Variants in SEMA3E observed in about 807,000 individuals in gnomAD.
The protein encoded by SEMA3E is semaphorin-3E.
In SEMA3E, 49 loss-of-function variants were observed where a neutral mutation model predicts 93.6. The ratio of observed to expected loss-of-function variants is 0.52; its 90% CI spans 0.42 to 0.66. SEMA3E has a LOEUF of 0.66. SEMA3E is among the 30% of genes least tolerant of loss of function. SEMA3E has a pLI of 0.00. For synonymous variants in SEMA3E, 363 were observed against 330.7 expected, an observed-to-expected ratio of 1.10 and a Z score of -1.06; for missense variants, 906 against 964.8, an observed-to-expected ratio of 0.94 and a Z score of 0.81.
At chr7:83,517,938 G>GT (rs1206670751) in intron 1 of SEMA3E, among the ~76,000 whole-genome samples, 1 of 152,162 alleles carries the variant, frequency 6.6e-6, no homozygotes, top group Non-Finnish European at 1.5e-5. Context: ...GAGAAGACTG[G>GT]TTTGGGGCCT....
intron 4 of SEMA3E, among the ~76,000 whole-genome samples, chr7:83,423,196 A>G (rs1478190320): frequency 6.6e-6 from 1 of 152,188 alleles, no homozygotes; most frequent in Non-Finnish European, 1.5e-5. Context: ...AATCTGTGCA[A>G]TACGTAAATC....
At chr7:83,611,317 G>A (rs1484564339) in intron 1 of SEMA3E, among the ~76,000 whole-genome samples, 15 of 137,616 alleles carry the variant, frequency 1.1e-4, no homozygotes, top group East Asian at 1.0e-3. Context: ...ATAAATTTAT[G>A]TATAATATAT....
intron 14 of SEMA3E, among the ~76,000 whole-genome samples, chr7:83,390,086 CATATATGCGCGTATACGT>C (rs1787981568): frequency 4.2e-5 from 4 of 94,658 alleles, no homozygotes; most frequent in Non-Finnish European, 8.6e-5. Flanking sequence ...TACGTGTGCA[CATATATGCGCGTATACGT>C]GTGCACATAT....
At chr7:83,437,866 G>A (rs946518760) in intron 4 of SEMA3E, among the ~76,000 whole-genome samples, 3 of 152,028 alleles carry the variant, frequency 2.0e-5, no homozygotes, top group East Asian at 1.9e-4. Flanking sequence ...CAAAGACTTC[G>A]ATATCAACTT....
intron 2 of SEMA3E, among the ~76,000 whole-genome samples, chr7:83,488,684 G>C (rs146150761): frequency 3.9e-5 from 6 of 152,246 alleles, no homozygotes; most frequent in Admixed American, 3.9e-4. Flanking sequence ...GCAGACTATA[G>C]GTGGTGGGCC....
chr7:83,637,030 G>GTGTGTGTA (rs1430928602), intron 1 of SEMA3E, among the ~76,000 whole-genome samples: 11 of 138,876 alleles, frequency 7.9e-5, no homozygotes, highest in East Asian at 2.1e-4. Context: ...GAGAGTGTGT[G>GTGTGTGTA]TGTGTGTGTA....
chr7:83,540,604 T>C (rs1472071421), intron 1 of SEMA3E, among the ~76,000 whole-genome samples: 1 of 152,210 alleles, frequency 6.6e-6, no homozygotes, highest in Non-Finnish European at 1.5e-5. Context: ...TGCAACTAAG[T>C]TATGTATTAC....
intron 13 of SEMA3E, among the ~76,000 whole-genome samples, chr7:83,393,095 T>C (rs1033519043): frequency 1.3e-5 from 2 of 151,922 alleles, no homozygotes; most frequent in East Asian, 3.9e-4. Context: ...ATTTATACTT[T>C]CATTTCTCTA....
chr7:83,628,091 G>T lies in SEMA3E; in HGVS notation c.115+20337C>A, dbSNP rs147577460. Among the ~76,000 whole-genome samples, 416 of 152,178 alleles carry T rather than the reference G, an allele frequency of 2.7e-3. 2 individuals are homozygous for T. The highest frequency in any genetic ancestry group is 9.5e-3 in the African/African-American group (396 of 41,526). On this transcript the variant is annotated intron_variant, in intron 1 of 16. Coordinates refer to ENST00000643230, the MANE Select transcript of SEMA3E (RefSeq NM_012431.3). ...TCACTTATGAAGCTTAGTTTGGCTG[G>T]ATATGAAATTCTGGGTTGAAAGTTC...
chr7:83,418,809 A>G (rs1279911578), intron 4 of SEMA3E, among the ~76,000 whole-genome samples: 2 of 152,202 alleles, frequency 1.3e-5, no homozygotes, highest in Non-Finnish European at 2.9e-5. Context: ...TGCTGGAAAA[A>G]GGTTAATGAA....
intron 4 of SEMA3E, among the ~76,000 whole-genome samples, chr7:83,432,602 G>A (rs1788911993): frequency 6.6e-6 from 1 of 152,130 alleles, no homozygotes. Flanking sequence ...CACATATATA[G>A]AGATATATAG....
intron 4 of SEMA3E, among the ~76,000 whole-genome samples, chr7:83,421,975 C>T (rs1047643660): frequency 1.3e-5 from 2 of 152,002 alleles, no homozygotes; most frequent in Non-Finnish European, 2.9e-5. Context: ...GTTGGGAGTT[C>T]GAGACCAGCC....
intron 4 of SEMA3E, among the ~76,000 whole-genome samples, chr7:83,461,338 CCCAGGCTGCTCCTCG>C (rs948259088): frequency 6.6e-6 from 1 of 152,126 alleles, no homozygotes; most frequent in Non-Finnish European, 1.5e-5. Context: ...TCCCTTCCTC[CCCAGGCTGCTCCTCG>C]CCAGGCTGAG....
intron 16 of SEMA3E, among the ~76,000 whole-genome samples, chr7:83,378,885 C>T (rs547954706): frequency 6.6e-6 from 1 of 151,800 alleles, no homozygotes; most frequent in Admixed American, 6.6e-5. Context: ...ATCTGGCAAC[C>T]CCACTACTAG....
chr7:83,518,284 C>T lies in SEMA3E; in HGVS notation c.116-28010G>A, dbSNP rs573103473. On this transcript the variant is annotated intron_variant, in intron 1 of 16. Transcript: ENST00000643230. ...ACTGAGGTTGCAGAACATGAATTAACGTGTTCATTTGCCAAATGTGTTCAT... is the reference window on the plus strand; with the variant it reads ...ACTGAGGTTGCAGAACATGAATTAATGTGTTCATTTGCCAAATGTGTTCAT... 7.1e-4 allele frequency among the ~76,000 whole-genome samples: 108 copies of T among 151,490 alleles called. 1 individual carries two copies. Among genetic ancestry groups the T allele is most frequent in the Non-Finnish European group, 9.0e-4 (61 of 67,906 alleles).
In SEMA3E at chr7:83,600,751, A is replaced by C. The variant is rs149886490; in HGVS notation, c.115+47677T>G. 4.1e-3 allele frequency among the ~76,000 whole-genome samples: 617 copies of C among 152,134 alleles called. 2 individuals are homozygous for C. Among genetic ancestry groups the C allele is most frequent in the Middle Eastern group, 0.027 (8 of 294 alleles). On this transcript the variant is annotated intron_variant, in intron 1 of 16. Coordinates refer to ENST00000643230, the MANE Select transcript of SEMA3E (RefSeq NM_012431.3). ...ACAAAGTCATCATCACAGATAAATA[A>C]AAATAATAAGAAATGGGTGGAACGT... is the stretch of plus-strand genomic sequence containing the variant.
chr7:83,524,158 A>C (rs1343954649), intron 1 of SEMA3E, among the ~76,000 whole-genome samples: 1 of 152,124 alleles, frequency 6.6e-6, no homozygotes, highest in Non-Finnish European at 1.5e-5. Flanking sequence ...AGCTTGCCTC[A>C]TAGACCTTGT....
chr7:83,467,415 C>T (rs533538918), intron 3 of SEMA3E, among the ~76,000 whole-genome samples: 1 of 152,170 alleles, frequency 6.6e-6, no homozygotes, highest in Non-Finnish European at 1.5e-5. Context: ...CATAAAGCAC[C>T]TTCAGAGAGA....
At chr7:83,526,685 T>C (rs1030291700) in intron 1 of SEMA3E, among the ~76,000 whole-genome samples, 1 of 152,198 alleles carries the variant, frequency 6.6e-6, no homozygotes, top group Non-Finnish European at 1.5e-5. Context: ...CTTGCCAAGA[T>C]TAAGTTGCTA....
Sources: gnomAD v4.1 joint callset for allele counts (sites outside exome capture counted in the v4.1 genomes callset) on GRCh38, gnomAD v4.1.1 for gene constraint, MANE v1.5 for transcripts, NCBI Gene and HGNC (gene_info 2026-07-23, HGNC 2026-07-21) for gene names.